ELP4: variants seen among roughly 807,000 people sequenced by gnomAD.
The protein encoded by ELP4 is elongator acetyltransferase complex subunit 4.
A neutral mutation model predicts 48.9 loss-of-function variants in ELP4; 51 were observed. The observed-to-expected ratio is 1.04, with a 90% CI of 0.83 to 1.32. The LOEUF (loss-of-function observed/expected upper bound fraction) is 1.32, where lower values mean the gene tolerates loss of function less well. Among genes scored for constraint, ELP4 ranks in the 40% most tolerant of loss-of-function variants. The pLI, the probability that ELP4 is intolerant of heterozygous loss-of-function variation, is 0.00. For missense variants in ELP4, 519 were observed against 514.6 expected (o/e 1.01, Z -0.08); for synonymous variants, 210 against 189.2 (o/e 1.11, Z -0.90).
At chr11:31,656,455 A>G (rs1945435255) in intron 9 of ELP4, among the ~76,000 whole-genome samples, 1 of 152,032 alleles carries the variant, frequency 6.6e-6, no homozygotes, top group Non-Finnish European at 1.5e-5. Context: ...TATGAAACTT[A>G]TAATTAGTTA....
intron 5 of ELP4, among the ~76,000 whole-genome samples, chr11:31,604,732 TA>T: frequency 6.6e-6 from 1 of 152,028 alleles, no homozygotes; most frequent in East Asian, 1.9e-4. Context: ...GTTCTAAAAA[TA>T]ATACCTGAGA....
At chr11:31,643,500 A>G (rs1432894981) in intron 7 of ELP4, among the ~76,000 whole-genome samples, 1 of 151,880 alleles carries the variant, frequency 6.6e-6, no homozygotes, top group African/African-American at 2.4e-5. Context: ...TGTTGAGATA[A>G]TTAGTTTTGG....
chr11:31,697,786 A>G (rs773446419), intron 9 of ELP4, among the ~76,000 whole-genome samples: 15 of 152,118 alleles, frequency 9.9e-5, no homozygotes, highest in Non-Finnish European at 1.8e-4. Context: ...CACTCTTCCA[A>G]TGATTATTTA....
At chr11:31,558,314 G>A (rs1592115213) in intron 3 of ELP4, among the ~76,000 whole-genome samples, 1 of 152,060 alleles carries the variant, frequency 6.6e-6, no homozygotes, top group Non-Finnish European at 1.5e-5. Flanking sequence ...AAGATGGCAT[G>A]TGCCTGATTT....
chr11:31,721,772 T>G (rs1345728521), intron 9 of ELP4, among the ~76,000 whole-genome samples: 4 of 152,232 alleles, frequency 2.6e-5, no homozygotes, highest in African/African-American at 9.6e-5. Flanking sequence ...AACAAAACGT[T>G]ACCAAACTAA....
intron 9 of ELP4, among the ~76,000 whole-genome samples, chr11:31,660,885 A>ATG (rs1467901996): frequency 6.6e-6 from 1 of 152,046 alleles, no homozygotes; most frequent in East Asian, 1.9e-4. Flanking sequence ...CTTAGAAAAA[A>ATG]TGGTGGTCCA....
chr11:31,537,986 G>A (rs984300959), intron 2 of ELP4, among the ~76,000 whole-genome samples: 18 of 152,072 alleles, frequency 1.2e-4, no homozygotes, highest in Admixed American at 1.2e-3. Flanking sequence ...TCTATCCCAT[G>A]AACATGATAT....
chr11:31,759,789 C>T (rs1205477442), intron 9 of ELP4, among the ~76,000 whole-genome samples: 3 of 151,924 alleles, frequency 2.0e-5, no homozygotes, highest in Admixed American at 1.3e-4. Context: ...TCACTGCAAC[C>T]TCCGCCTCTT....
At chr11:31,578,764 C>G (rs1307767569) in intron 3 of ELP4, among the ~76,000 whole-genome samples, 4 of 152,154 alleles carry the variant, frequency 2.6e-5, no homozygotes, top group African/African-American at 9.7e-5. Flanking sequence ...GGATCCCTTC[C>G]TTACACCTTA....
intron 9 of ELP4, among the ~76,000 whole-genome samples, chr11:31,765,789 G>T (rs1948028941): frequency 1.3e-5 from 2 of 151,952 alleles, no homozygotes; most frequent in South Asian, 2.1e-4. Context: ...TCATAAATTA[G>T]TGTTACTTAA....
intron 9 of ELP4, among the ~76,000 whole-genome samples, chr11:31,735,511 A>C (rs1316161591): frequency 1.3e-5 from 2 of 152,230 alleles, no homozygotes; most frequent in African/African-American, 4.8e-5. Flanking sequence ...AGGGCATTCA[A>C]CTAAGAAAAG....
At chr11:31,612,476 T>C (rs1215986301) in intron 5 of ELP4, among the ~76,000 whole-genome samples, 2 of 149,944 alleles carry the variant, frequency 1.3e-5, no homozygotes, top group Non-Finnish European at 1.5e-5. Flanking sequence ...CTAAGATTCC[T>C]GGGTTGAAAT....
intron 7 of ELP4, among the ~76,000 whole-genome samples, chr11:31,634,745 G>C (rs1944937095): frequency 6.6e-6 from 1 of 152,008 alleles, no homozygotes; most frequent in South Asian, 2.1e-4. Flanking sequence ...AACTGGAAGA[G>C]AGATTAAATT....
chr11:31,518,024 CA>C (rs1352613945), intron 1 of ELP4, among the ~76,000 whole-genome samples: 1 of 151,980 alleles, frequency 6.6e-6, no homozygotes, highest in African/African-American at 2.4e-5. Context: ...ATCAAAATGG[CA>C]ATAGTTTTAC....
At chr11:31,755,271 G>A (rs1400175830) in intron 9 of ELP4, among the ~76,000 whole-genome samples, 2 of 152,138 alleles carry the variant, frequency 1.3e-5, no homozygotes, top group Non-Finnish European at 2.9e-5. Flanking sequence ...AGGAAAGAGG[G>A]AAATAGAGAA....
At chr11:31,640,508 C>G (rs1945072742) in intron 7 of ELP4, among the ~76,000 whole-genome samples, 1 of 151,854 alleles carries the variant, frequency 6.6e-6, no homozygotes, top group African/African-American at 2.4e-5. Flanking sequence ...TGTTTTATCC[C>G]TTTCCTATTA....
intron 1 of ELP4, chr11:31,511,326 AT>A (rs1956000072): frequency 6.6e-6 from 1 of 152,064 alleles, no homozygotes; most frequent in East Asian, 1.9e-4. Flanking sequence ...GGCCTTATAT[AT>A]TTTTTAATTC....
At chr11:31,585,801 T>A (rs1957462425) in intron 3 of ELP4, among the ~76,000 whole-genome samples, 2 of 152,176 alleles carry the variant, frequency 1.3e-5, no homozygotes, top group Non-Finnish European at 1.5e-5. Flanking sequence ...ATTAAAACAT[T>A]AAGTGAGAAG....
Position 31,781,099 on chromosome 11 carries a change from G to T in ELP4, c.1144-2294G>T, listed in dbSNP as rs556846073. Among the ~76,000 whole-genome samples, 44 of 152,276 alleles carry T rather than the reference G, an allele frequency of 2.9e-4. No homozygotes were observed. The South Asian group carries it at 8.9e-3, about 31-fold the overall frequency. ...CTTATTCATATTACTGTATTGTAAG[G>T]AAATGAATGTGGAAGGTACTCTATT... On this transcript the variant is annotated intron_variant, in intron 9 of 9. Coordinates refer to ENST00000640961, the MANE Select transcript of ELP4 (RefSeq NM_019040.5).
Sources: allele counts gnomAD v4.1 joint callset (sites outside exome capture counted in the v4.1 genomes callset), GRCh38; gene constraint gnomAD v4.1.1; transcripts MANE v1.5; gene names NCBI Gene and HGNC (gene_info 2026-07-23, HGNC 2026-07-21).